Variants in TRERF1 observed in about 807,000 individuals in gnomAD.
TRERF1 encodes the protein transcriptional-regulating factor 1.
A neutral mutation model predicts 122.9 loss-of-function variants in TRERF1; 27 were observed. That is an observed-to-expected ratio of 0.22 (90% confidence interval 0.16 to 0.30). The LOEUF (loss-of-function observed/expected upper bound fraction) is 0.30, where lower values mean the gene tolerates loss of function less well. Among genes scored for constraint, TRERF1 ranks in the 10% least tolerant of loss-of-function variants. TRERF1 has a pLI of 1.00. For missense variants in TRERF1, 1,248 were observed against 1,560.3 expected (o/e 0.80, Z 3.37); for synonymous variants, 636 against 641.7 (o/e 0.99, Z 0.13).
At chr6:42,373,861 G>C (rs367877800) in intron 2 of TRERF1, among the ~76,000 whole-genome samples, 7 of 150,536 alleles carry the variant, frequency 4.7e-5, no homozygotes, top group Admixed American at 4.6e-4. Context: ...AAGGCCGGGC[G>C]TGGTGGCTCA....
At position 42,259,501 on chromosome 6, in the gene TRERF1, G is replaced by A. The variant is rs754704098; in HGVS notation, c.2107C>T (p.His703Tyr). 2.5e-6 allele frequency: 4 copies of A among 1,612,136 alleles called. No homozygotes were observed. The highest frequency in any genetic ancestry group is 3.4e-6 in the Non-Finnish European group (4 of 1,179,678). ...GGGGGCGTGTAAGGGGGCAGCTCGT[G>A]GGTGGGGTCCAGGAGCAGGTGGTCC... The change falls in exon 9 of 18, where the codon CAC becomes TAC. Residue 703 changes from histidine to tyrosine, a missense_variant. Coordinates refer to ENST00000372922, the Ensembl canonical transcript of TRERF1. This position sits in a 1 kb window ranked among gnomAD's most constrained non-coding sequence, Gnocchi z 4.9.
chr6:42,358,060 C>T (rs76937439), intron 3 of TRERF1, among the ~76,000 whole-genome samples: 14,245 of 152,052 alleles, frequency 0.094, 1,011 homozygotes, highest in African/African-American at 0.2. Context: ...TGGGATCAAA[C>T]CAAGTTTTCT....
At chr6:42,429,322 C>A (rs758894123) in intron 2 of TRERF1, among the ~76,000 whole-genome samples, 40 of 152,098 alleles carry the variant, frequency 2.6e-4, no homozygotes, top group Non-Finnish European at 5.4e-4. Flanking sequence ...CAGACTTTCC[C>A]GTGGATGGAC....
chr6:42,418,250 T>TTGTTTG (rs1782181513), intron 2 of TRERF1, among the ~76,000 whole-genome samples: 1 of 79,282 alleles, frequency 1.3e-5, no homozygotes, highest in African/African-American at 4.0e-5. Flanking sequence ...GATGGAGTTT[T>TTGTTTG]GCTCTTTCTT....
chr6:42,338,856 T>C (rs1016606246), intron 3 of TRERF1, among the ~76,000 whole-genome samples: 3 of 152,208 alleles, frequency 2.0e-5, no homozygotes, highest in Non-Finnish European at 2.9e-5. Flanking sequence ...GAGCTTTTTG[T>C]GGTGGTGACT....
intron 2 of TRERF1, among the ~76,000 whole-genome samples, chr6:42,382,277 A>C (rs535598663): frequency 2.0e-5 from 3 of 151,888 alleles, no homozygotes; most frequent in Non-Finnish European, 4.4e-5. Context: ...GAGCACGGAC[A>C]CACTGAAAAT....
chr6:42,444,178 C>CTT (rs201969394), intron 2 of TRERF1, among the ~76,000 whole-genome samples: 37,332 of 133,460 alleles, frequency 0.28, 6,180 homozygotes, highest in Admixed American at 0.38. Context: ...GCAGCCTTTG[C>CTT]TTTTTTTTTT....
At chr6:42,373,771 C>T (rs113368382) in intron 2 of TRERF1, among the ~76,000 whole-genome samples, 5 of 149,192 alleles carry the variant, frequency 3.4e-5, no homozygotes, top group African/African-American at 7.5e-5. Context: ...GCAGAGGTTG[C>T]GGTGAGCCAA....
chr6:42,318,044 C>T (rs1358656559), intron 3 of TRERF1, among the ~76,000 whole-genome samples: 1 of 151,884 alleles, frequency 6.6e-6, no homozygotes, highest in Non-Finnish European at 1.5e-5. Flanking sequence ...ATCCCAGCTA[C>T]TTGGGAGGCT....
Position 42,348,911 on chromosome 6 carries a change from A to G in TRERF1, c.-371+14086T>C, listed in dbSNP as rs557833061. Among the ~76,000 whole-genome samples the G allele has an allele frequency of 2.4e-3, 365 of 152,308 alleles. 1 individual carries two copies. The highest frequency in any genetic ancestry group is 4.0e-3 in the Non-Finnish European group (272 of 68,030). On this transcript the variant is annotated intron_variant, in intron 3 of 17. Transcript: ENST00000372922. ...AAAAGAAGTGGAAGACTCACGAGAT[A>G]GTGAGTCTGGTCCCAGCTCCACCAC...
chr6:42,311,203 C>T (rs1243808781), intron 3 of TRERF1, among the ~76,000 whole-genome samples: 1 of 152,050 alleles, frequency 6.6e-6, no homozygotes, highest in Non-Finnish European at 1.5e-5. Flanking sequence ...AATGTCATGG[C>T]AGGTATGATG....
At chr6:42,324,476 G>A (rs1213649407) in intron 3 of TRERF1, among the ~76,000 whole-genome samples, 1 of 152,108 alleles carries the variant, frequency 6.6e-6, no homozygotes, top group Non-Finnish European at 1.5e-5. Flanking sequence ...CAAAGCTGAA[G>A]GCATCACATT....
intron 3 of TRERF1, among the ~76,000 whole-genome samples, chr6:42,305,674 G>A (rs1303055468): frequency 2.0e-5 from 3 of 152,062 alleles, no homozygotes; most frequent in Non-Finnish European, 4.4e-5. Context: ...AATGAAGTGT[G>A]AAGAATTCCC....
chr6:42,230,914 C>T (rs1200544524), intron 17 of TRERF1, among the ~76,000 whole-genome samples: 6 of 152,194 alleles, frequency 3.9e-5, no homozygotes, highest in African/African-American at 7.2e-5. Context: ...CTAGGCTGCT[C>T]GCTGTGAACT....
rs747767925 is a variant in TRERF1 at position 42,268,885 on chromosome 6, A to G, written c.706T>C (p.Tyr236His). The G allele has an allele frequency of 3.7e-6, 6 of 1,614,024 alleles. No homozygotes were observed. The South Asian group carries it at 6.6e-5, about 18-fold the overall frequency. Reference sequence around the variant, plus strand: ...GGCACCTGAGCCAGAGGCTGCTGGTAGTCATAATACAGGTGCCCTTGGGTA... The same window carrying G: ...GGCACCTGAGCCAGAGGCTGCTGGTGGTCATAATACAGGTGCCCTTGGGTA... Residue 236 changes from tyrosine (Y) to histidine (H), a missense_variant, in exon 5 of 18, where the codon TAC (tyrosine) becomes CAC (histidine). Around this residue, in one of 5 missense-constraint regions of TRERF1, gnomAD observed 946 missense variants for 1,073.0 expected, o/e 0.88. Transcript: ENST00000372922. This position sits in a 1 kb window ranked among gnomAD's most constrained non-coding sequence, Gnocchi z 4.4.
In TRERF1 at chr6:42,372,592, C is replaced by T. The variant is rs117205540; in HGVS notation, c.-453-9513G>A. ...GAAAACTCACGACCTAGGATTCGCA[C>T]CTAAGAAAGCTGGATTCTCATTGGA... On this transcript the variant is annotated intron_variant, in intron 2 of 17. Transcript: ENST00000372922. Among the ~76,000 whole-genome samples, 119 of 152,288 alleles carry T rather than the reference C, an allele frequency of 7.8e-4. 3 individuals are homozygous for T. The East Asian group carries it at 0.019, about 25-fold the overall frequency.
intron 2 of TRERF1, among the ~76,000 whole-genome samples, chr6:42,385,101 C>T (rs1330508580): frequency 6.6e-6 from 1 of 152,168 alleles, no homozygotes; most frequent in Non-Finnish European, 1.5e-5. Context: ...CCTTAGCCTC[C>T]TGAGTAGCTG....
At position 42,268,641 on chromosome 6, in the gene TRERF1, C is replaced by CGCTGCTGCAGCTGTAGCTGCTGCGGCT. The variant is rs1561871103; in HGVS notation, c.923_949dup (p.Gln308_Gln316dup). 6.2e-7 allele frequency: 1 copy of CGCTGCTGCAGCTGTAGCTGCTGCGGCT among 1,614,122 alleles called. No homozygotes were observed. Among genetic ancestry groups the CGCTGCTGCAGCTGTAGCTGCTGCGGCT allele is most frequent in the Non-Finnish European group, 8.5e-7 (1 of 1,180,002 alleles). On this transcript the variant is annotated inframe_insertion, in exon 5 of 18. Coordinates refer to ENST00000372922, the Ensembl canonical transcript of TRERF1. This position sits in a 1 kb window ranked among gnomAD's most constrained non-coding sequence, Gnocchi z 4.4. ...CTGAGGTATCTGCATTGAACCCTGC[C>CGCTGCTGCAGCTGTAGCTGCTGCGGCT]GCTGCTGCAGCTGTAGCTGCTGCGG...
intron 2 of TRERF1, among the ~76,000 whole-genome samples, chr6:42,432,268 T>A (rs569633407): frequency 3.3e-5 from 5 of 152,360 alleles, no homozygotes; most frequent in African/African-American, 1.2e-4. Flanking sequence ...AAGGAAAGCT[T>A]CTTTCTGAAC....
Sources: allele counts gnomAD v4.1 joint callset (sites outside exome capture counted in the v4.1 genomes callset), GRCh38; gene constraint gnomAD v4.1.1; regional missense constraint gnomAD v4.1.1; non-coding constraint Gnocchi (gnomAD v3.1); transcripts MANE v1.5; gene names NCBI Gene and HGNC (gene_info 2026-07-23, HGNC 2026-07-21).